The following BEND5 variants were observed in gnomAD, a reference collection of about 807,000 sequenced individuals.
BEND5 encodes BEN domain containing 5, also known as BEN domain-containing protein 5.
In BEND5, 22 loss-of-function variants were observed where a neutral mutation model predicts 43.9. That is an observed-to-expected ratio of 0.50 (90% CI 0.36 to 0.72). BEND5 has a LOEUF of 0.72. Ranked by LOEUF, BEND5 falls within the 30% of genes least tolerant of loss-of-function variation. The pLI is 0.00. For synonymous variants in BEND5, 228 were observed against 225.9 expected (o/e 1.01, Z -0.08); for missense variants, 428 against 550.6 (o/e 0.78, Z 2.23).
chr1:48,747,208 A>G (rs1316551037), intron 3 of BEND5, among the ~76,000 whole-genome samples: 2 of 152,248 alleles, frequency 1.3e-5, no homozygotes, highest in African/African-American at 4.8e-5. Context: ...TTAGGTAACA[A>G]AAGAACTTTT....
At chr1:48,764,357 C>G (rs1481198926) in intron 1 of BEND5, among the ~76,000 whole-genome samples, 1 of 152,104 alleles carries the variant, frequency 6.6e-6, no homozygotes, top group African/African-American at 2.4e-5. Flanking sequence ...ATTACCAATT[C>G]TATGTGTTAA....
chr1:48,751,737 G>A (rs1457048727), intron 3 of BEND5, among the ~76,000 whole-genome samples: 1 of 152,180 alleles, frequency 6.6e-6, no homozygotes, highest in Non-Finnish European at 1.5e-5. Flanking sequence ...ATGGGGAAAA[G>A]CCTAACAACT....
chr1:48,749,533 C>A (rs1409220936), intron 3 of BEND5, among the ~76,000 whole-genome samples: 1 of 152,194 alleles, frequency 6.6e-6, no homozygotes, highest in East Asian at 1.9e-4. Flanking sequence ...CCAAAGACAG[C>A]TCTTTCCACT....
chr1:48,766,588 C>T (rs745689754), intron 1 of BEND5, among the ~76,000 whole-genome samples: 2 of 152,150 alleles, frequency 1.3e-5, no homozygotes, highest in African/African-American at 4.8e-5. Context: ...GAAAAGGTGG[C>T]TGAATAGTCC....
In BEND5 at chr1:48,736,168, T is replaced by A; in HGVS notation, c.1108+71A>T. 1 of 1,502,434 alleles carries A rather than the reference T, an allele frequency of 6.7e-7. No homozygotes were observed. The highest frequency in any genetic ancestry group is 1.1e-5 in the South Asian group (1 of 87,604). 93.1% of individuals were successfully genotyped at this position (1,502,434 alleles called of 1,614,324 possible). A position where few individuals can be genotyped will look rare whatever the true frequency, so the allele number is the denominator to read the frequency against. ...CTTCATAAGTAATCGTTGAATTGAA[T>A]TGTGCCTAACACATTCTTGACAGAG... is the stretch of plus-strand genomic sequence containing the variant. On this transcript the variant is annotated intron_variant, in intron 5 of 5. Transcript: ENST00000371833. This position sits in a 1 kb window ranked among gnomAD's most constrained non-coding sequence, Gnocchi z 4.0.
In BEND5 at chr1:48,776,744, G is replaced by C; in HGVS notation, c.88C>G (p.Leu30Val). Residue 30 changes from leucine to valine, a missense_variant, in exon 1 of 6, where the codon CTG (leucine) becomes GTG (valine). Around this residue, in one of 4 missense-constraint regions of BEND5, gnomAD observed 107 missense variants for 98.8 expected, o/e 1.08. Transcript: ENST00000371833. The part of the protein sequence containing the change: ...CVRDFSPRSR[L>V]DFDNQKVYAV... ...TACACCTTCTGGTTGTCAAAATCCA[G>C]CCGCGAGCGGGGGCTGAAGTCGCGC... 2.0e-6 allele frequency: 3 copies of C among 1,527,920 alleles called. No homozygotes were observed. The highest frequency in any genetic ancestry group is 2.5e-5 in the South Asian group (2 of 81,488). 94.6% of individuals were successfully genotyped at this position (1,527,920 alleles called of 1,614,324 possible). A position where few individuals can be genotyped will look rare whatever the true frequency, so the allele number is the denominator to read the frequency against.
At chr1:48,757,934 T>C (rs1644032130) in intron 3 of BEND5, among the ~76,000 whole-genome samples, 1 of 152,192 alleles carries the variant, frequency 6.6e-6, no homozygotes, top group East Asian at 1.9e-4. Context: ...TTCCTCAATA[T>C]TGACTGGGCT....
At chr1:48,767,592 CT>C (rs751684662) in intron 1 of BEND5, among the ~76,000 whole-genome samples, 2 of 151,938 alleles carry the variant, frequency 1.3e-5, no homozygotes, top group Non-Finnish European at 2.9e-5. Flanking sequence ...ACAGTAAATA[CT>C]TTATGTGGCA....
At chr1:48,775,901 C>T (rs982251398) in intron 1 of BEND5, among the ~76,000 whole-genome samples, 3 of 152,162 alleles carry the variant, frequency 2.0e-5, no homozygotes, top group Non-Finnish European at 2.9e-5. Context: ...TTCAGGGAGC[C>T]TTCTGGGAGA....
intron 3 of BEND5, among the ~76,000 whole-genome samples, chr1:48,746,166 T>C (rs1421877807): frequency 6.6e-6 from 1 of 152,096 alleles, no homozygotes; most frequent in African/African-American, 2.4e-5. Flanking sequence ...TTAAATCAGA[T>C]AACTATATAT....
chr1:48,770,455 CT>C (rs1324915535), intron 1 of BEND5, among the ~76,000 whole-genome samples: 1 of 152,160 alleles, frequency 6.6e-6, no homozygotes. Context: ...TCCCCAGTCA[CT>C]TTTTTTTCAG....
chr1:48,730,787 T>C (rs1570388194), intron 5 of BEND5, among the ~76,000 whole-genome samples: 2 of 152,338 alleles, frequency 1.3e-5, no homozygotes, highest in South Asian at 4.1e-4. Flanking sequence ...ACAAGGTTTA[T>C]AACAGTGCTA....
At chr1:48,772,043 T>A (rs1644862117) in intron 1 of BEND5, among the ~76,000 whole-genome samples, 1 of 152,186 alleles carries the variant, frequency 6.6e-6, no homozygotes, top group African/African-American at 2.4e-5. Flanking sequence ...AGCACAAAAA[T>A]GCACCTGTCT....
chr1:48,775,788 G>A (rs1373981998), intron 1 of BEND5, among the ~76,000 whole-genome samples: 1 of 152,218 alleles, frequency 6.6e-6, no homozygotes, highest in East Asian at 1.9e-4. Flanking sequence ...ATGGAGATGA[G>A]ACTAGCTGCC....
intron 1 of BEND5, among the ~76,000 whole-genome samples, chr1:48,771,254 C>T (rs1359714955): frequency 6.6e-6 from 1 of 152,128 alleles, no homozygotes; most frequent in East Asian, 1.9e-4. Context: ...CCCTAAGGAG[C>T]TTATAAGACA....
intron 2 of BEND5, 36 bp from the exon 3 acceptor site, chr1:48,759,320 C>T: frequency 1.3e-6 from 2 of 1,537,864 alleles, no homozygotes; most frequent in Non-Finnish European, 1.8e-6. Flanking sequence ...CAGGCAAGGG[C>T]AGCTGGGATT....
Position 48,736,141 on chromosome 1 carries a change from A to G in BEND5, c.1108+98T>C. On this transcript the variant is annotated intron_variant, in intron 5 of 5. Transcript: ENST00000371833. This position sits in a 1 kb window ranked among gnomAD's most constrained non-coding sequence, Gnocchi z 4.0. ...CTCAGCCCAGGGTCTGGCATGCAGA[A>G]GCTTCATAAGTAATCGTTGAATTGA... The G allele has an allele frequency of 7.3e-7, 1 of 1,378,540 alleles. No homozygotes were observed. Among genetic ancestry groups the G allele is most frequent in the Non-Finnish European group, 1.0e-6 (1 of 978,232 alleles). The allele number at this position is 1,378,540 out of a possible 1,614,324, so 85.4% of individuals were successfully genotyped here.
chr1:48,771,221 G>T (rs769245293), intron 1 of BEND5, among the ~76,000 whole-genome samples: 35 of 152,286 alleles, frequency 2.3e-4, no homozygotes, highest in Admixed American at 5.9e-4. Context: ...TCTTCTGGTA[G>T]AAAGAGTACA....
intron 1 of BEND5, among the ~76,000 whole-genome samples, chr1:48,772,642 G>A (rs1644894007): frequency 6.6e-6 from 1 of 152,162 alleles, no homozygotes; most frequent in African/African-American, 2.4e-5. Flanking sequence ...GTAGGCAATA[G>A]GGAGCTACAG....
Sources: gnomAD v4.1 joint callset for allele counts (sites outside exome capture counted in the v4.1 genomes callset) on GRCh38, gnomAD v4.1.1 for gene constraint, gnomAD v4.1.1 regional missense constraint, Gnocchi (gnomAD v3.1) non-coding constraint, MANE v1.5 for transcripts, NCBI Gene and HGNC (gene_info 2026-07-23, HGNC 2026-07-21) for gene names.